The following DLG2 variants were observed in gnomAD, a reference collection of about 807,000 sequenced individuals.
The protein encoded by DLG2 is discs large MAGUK scaffold protein 2, also known as disks large homolog 2.
Under a neutral mutation model 132.5 loss-of-function variants are expected in DLG2, and 45 were observed. The observed-to-expected ratio is 0.34, with a 90% confidence interval of 0.27 to 0.44. DLG2 has a LOEUF of 0.44. DLG2 is among the 20% of genes least tolerant of loss of function. DLG2 has a pLI of 1.00. For missense variants in DLG2, 1,045 were observed against 1,196.9 expected, an observed-to-expected ratio of 0.87 and a Z score of 1.87; for synonymous variants, 424 against 419.6, an observed-to-expected ratio of 1.01 and a Z score of -0.13.
intron 6 of DLG2, among the ~76,000 whole-genome samples, chr11:84,935,220 T>C (rs1940120): frequency 5.9e-5 from 9 of 152,228 alleles, no homozygotes; most frequent in African/African-American, 1.9e-4. Context: ...TGAGTGGTTA[T>C]TGCAGAAATC....
intron 7 of DLG2, among the ~76,000 whole-genome samples, chr11:84,450,105 A>G (rs1266532908): frequency 6.6e-6 from 1 of 151,910 alleles, no homozygotes; most frequent in Non-Finnish European, 1.5e-5. Flanking sequence ...TAAATTTCAG[A>G]GGAATTGATT....
intron 16 of DLG2, among the ~76,000 whole-genome samples, chr11:83,872,033 G>C (rs2063548258): frequency 6.6e-6 from 1 of 152,028 alleles, no homozygotes; most frequent in Admixed American, 6.5e-5. Context: ...TGGGAGGCTG[G>C]GGCGGGCAGA....
chr11:83,795,441 A>ATATCTATATCTATATCTATATCTATATC, intron 17 of DLG2, among the ~76,000 whole-genome samples: 1 of 147,478 alleles, frequency 6.8e-6, no homozygotes, highest in Middle Eastern at 3.6e-3. Flanking sequence ...ATCTATATCT[A>ATATCTATATCTATATCTATATCTATATC]TATATCTATA....
intron 7 of DLG2, among the ~76,000 whole-genome samples, chr11:84,351,236 A>C (rs977226255): frequency 2.4e-4 from 37 of 152,210 alleles, no homozygotes; most frequent in African/African-American, 8.9e-4. Context: ...GTTTTAATTG[A>C]CTTTTAGTAA....
At chr11:85,079,874 C>G (rs1274920503) in intron 6 of DLG2, among the ~76,000 whole-genome samples, 1 of 152,048 alleles carries the variant, frequency 6.6e-6, no homozygotes, top group African/African-American at 2.4e-5. Flanking sequence ...TTGTGATCCA[C>G]CTGTCTCAGC....
At position 84,647,390 on chromosome 11, in the gene DLG2, G is replaced by A. The variant is rs150384839; in HGVS notation, c.358-112659C>T. Among the ~76,000 whole-genome samples, 18 of 152,202 alleles carry A rather than the reference G, an allele frequency of 1.2e-4. No individual in the cohort carries two copies. In the East Asian group the frequency reaches 3.1e-3, roughly 26 times the overall value. ...CTGATAATTAATATTGGGCCATAAT[G>A]TATTCAATGAAATATAAACAACAAA... On this transcript the variant is annotated intron_variant, in intron 6 of 27. Coordinates refer to ENST00000376104, the MANE Select transcript of DLG2 (RefSeq NM_001142699.3).
chr11:83,755,500 G>A (rs1275837272), intron 18 of DLG2, among the ~76,000 whole-genome samples: 2 of 151,146 alleles, frequency 1.3e-5, no homozygotes, highest in Non-Finnish European at 2.9e-5. Flanking sequence ...CATTAACAAA[G>A]GGTAAATATA....
intron 9 of DLG2, among the ~76,000 whole-genome samples, chr11:84,153,015 G>A (rs1390099340): frequency 2.0e-5 from 3 of 152,138 alleles, no homozygotes; most frequent in African/African-American, 7.2e-5. Context: ...ACTCCCTCAA[G>A]GACCTCTTGT....
intron 6 of DLG2, among the ~76,000 whole-genome samples, chr11:84,587,354 C>T (rs968859575): frequency 6.6e-6 from 1 of 152,148 alleles, no homozygotes; most frequent in African/African-American, 2.4e-5. Context: ...GTACCCAAGA[C>T]TGCTCTCATT....
At chr11:84,294,304 A>G (rs1200170105) in intron 7 of DLG2, among the ~76,000 whole-genome samples, 2 of 152,194 alleles carry the variant, frequency 1.3e-5, no homozygotes, top group Non-Finnish European at 2.9e-5. Context: ...TAGCTTTTTA[A>G]AGAACACCTC....
At chr11:85,236,879 G>A (rs1257623655) in intron 4 of DLG2, among the ~76,000 whole-genome samples, 2 of 151,992 alleles carry the variant, frequency 1.3e-5, no homozygotes, top group Non-Finnish European at 2.9e-5. Flanking sequence ...TCATCTGTAA[G>A]AATATATGTT....
At chr11:83,924,798 G>A (rs746931520) in intron 15 of DLG2, among the ~76,000 whole-genome samples, 7 of 152,204 alleles carry the variant, frequency 4.6e-5, no homozygotes, top group East Asian at 3.9e-4. Context: ...GGCTGCCAAC[G>A]TTATGATTTC....
At chr11:85,130,545 C>T (rs962066592) in intron 5 of DLG2, among the ~76,000 whole-genome samples, 4 of 152,144 alleles carry the variant, frequency 2.6e-5, no homozygotes, top group African/African-American at 7.2e-5. Flanking sequence ...GCTGTGGTAT[C>T]GAAATGTGCT....
intron 3 of DLG2, among the ~76,000 whole-genome samples, chr11:85,538,292 C>A (rs746351478): frequency 2.0e-5 from 3 of 151,708 alleles, no homozygotes; most frequent in Admixed American, 6.6e-5. Context: ...TAAGAGCTGG[C>A]CATAAAGACA....
intron 21 of DLG2, among the ~76,000 whole-genome samples, chr11:83,520,615 A>G (rs2095440571): frequency 7.9e-6 from 1 of 126,960 alleles, no homozygotes; most frequent in African/African-American, 2.8e-5. Flanking sequence ...AGACAGACAG[A>G]CAGGTAGGTA....
At chr11:84,331,222 T>C (rs1379289282) in intron 7 of DLG2, among the ~76,000 whole-genome samples, 1 of 152,140 alleles carries the variant, frequency 6.6e-6, no homozygotes, top group Non-Finnish European at 1.5e-5. Context: ...CATCTACTAT[T>C]AATGTGCCAA....
chr11:85,494,527 T>C (rs762306635), intron 3 of DLG2, among the ~76,000 whole-genome samples: 5 of 152,050 alleles, frequency 3.3e-5, no homozygotes, highest in Admixed American at 1.3e-4. Flanking sequence ...ATGTTAAAAT[T>C]TGGAGTGGCT....
At chr11:85,405,865 A>G (rs547633020) in intron 3 of DLG2, among the ~76,000 whole-genome samples, 53 of 152,138 alleles carry the variant, frequency 3.5e-4, no homozygotes, top group African/African-American at 1.3e-3. Flanking sequence ...TGTAAAGTGA[A>G]TCAGAGAAAG....
At chr11:83,649,997 T>C (rs953768968) in intron 18 of DLG2, among the ~76,000 whole-genome samples, 7 of 152,196 alleles carry the variant, frequency 4.6e-5, no homozygotes, top group Non-Finnish European at 1.0e-4. Flanking sequence ...GAGAATACAT[T>C]ATTTGCCCCT....
Sources: gnomAD v4.1 joint callset for allele counts (sites outside exome capture counted in the v4.1 genomes callset) on GRCh38, gnomAD v4.1.1 for gene constraint, MANE v1.5 for transcripts, NCBI Gene and HGNC (gene_info 2026-07-23, HGNC 2026-07-21) for gene names.